Variants in USP15 observed in about 807,000 individuals in gnomAD.
The protein encoded by USP15 is ubiquitin specific peptidase 15.
USP15 carries 18 observed loss-of-function variants against 127.1 expected under a neutral mutation model. The ratio of observed to expected loss-of-function variants is 0.14; its 90% CI spans 0.10 to 0.21. The LOEUF (loss-of-function observed/expected upper bound fraction) is 0.21. Ranked by LOEUF, USP15 falls within the 10% of genes least tolerant of loss-of-function variation. The pLI is 1.00. For missense variants in USP15, 805 were observed against 1,159.9 expected (o/e 0.69, Z 4.44); for synonymous variants, 364 against 393.7 (o/e 0.92, Z 0.89).
intron 16 of USP15, 72 bp from the exon 17 acceptor site, chr12:62,391,744 T>C (rs1532435): frequency 0.3 from 398,623 of 1,307,850 alleles, 64,928 homozygotes; most frequent in East Asian, 0.43. Flanking sequence ...CTGGTGTATA[T>C]CCTAACATTA....
chr12:62,343,779 A>G (rs951254684), intron 6 of USP15, among the ~76,000 whole-genome samples: 3 of 152,094 alleles, frequency 2.0e-5, no homozygotes, highest in Non-Finnish European at 4.4e-5. Context: ...AAATGCAGAA[A>G]TCACCTACCT....
At chr12:62,304,695 G>A (rs761470394) in intron 3 of USP15, 17 of 453,652 alleles carry the variant, frequency 3.7e-5, no homozygotes, top group South Asian at 7.8e-5. Flanking sequence ...AAGAATGGAC[G>A]AAAAGAAAGC....
At chr12:62,315,081 T>G (rs1163200508) in intron 4 of USP15, 165 bp downstream of exon 4, 3 of 609,372 alleles carry the variant, frequency 4.9e-6, no homozygotes, top group Non-Finnish European at 7.1e-6. Flanking sequence ...TTATTGTTTC[T>G]TGTATGCTTT....
chr12:62,381,769 C>A, intron 9 of USP15, 106 bp downstream of exon 9: 1 of 1,116,314 alleles, frequency 9.0e-7, no homozygotes, highest in Non-Finnish European at 1.3e-6. Context: ...TGGTTTGTGG[C>A]CCTCCAAAGG....
intron 19 of USP15, among the ~76,000 whole-genome samples, chr12:62,395,041 C>T (rs979053776): frequency 6.6e-6 from 1 of 152,064 alleles, no homozygotes; most frequent in Non-Finnish European, 1.5e-5. Context: ...CAGTTACATT[C>T]AAAGGATGTT....
In USP15 at chr12:62,404,528, C is replaced by A; in HGVS notation, c.*153C>A. ...TTATCAGATTTTAACTTGTGCAGTA[C>A]TTGAAGTGAAACACAATGAAAACTT... is the stretch of plus-strand genomic sequence containing the variant. On this transcript the variant is annotated 3_prime_UTR_variant, in exon 22 of 22. Transcript: ENST00000280377. 9.0e-7 allele frequency: 1 copy of A among 1,106,690 alleles called. No individual in the cohort carries two copies. Among genetic ancestry groups the A allele is most frequent in the Non-Finnish European group, 1.2e-6 (1 of 838,596 alleles). 68.6% of individuals were successfully genotyped at this position (1,106,690 alleles called of 1,614,324 possible).
At position 62,404,550 on chromosome 12, in the gene USP15, A is replaced by C; in HGVS notation, c.*175A>C. Reference sequence around the variant, plus strand: ...GTACTTGAAGTGAAACACAATGAAAACTTTAACAGAAATTGTCTCTTAATA... The same window carrying C: ...GTACTTGAAGTGAAACACAATGAAACCTTTAACAGAAATTGTCTCTTAATA... On this transcript the variant is annotated 3_prime_UTR_variant, in exon 22 of 22. Transcript: ENST00000280377. 1 of 852,274 alleles carries C rather than the reference A, an allele frequency of 1.2e-6. No homozygotes were observed. Among genetic ancestry groups the C allele is most frequent in the East Asian group, 3.4e-5 (1 of 29,570 alleles). The allele number at this position is 852,274 out of a possible 1,614,324, so 52.8% of individuals were successfully genotyped here. A position where few individuals can be genotyped will look rare whatever the true frequency, so the allele number is the denominator to read the frequency against.
rs747942319 is a variant in USP15, at chr12:62,349,231, G to A, written c.694G>A (p.Ala232Thr). ...RGPSTPKSPG[A>T]SNFSTLPKIS... The stretch of plus-strand genomic sequence containing the variant: ...TTCATATTTTTAAAGGTCCCCAGGT[G>A]CATCCAATTTTTCAACTTTACCAAA... The change falls in exon 7 of 22, where the codon GCA becomes ACA. Residue 232 changes from alanine (A) to threonine (T), a missense_variant. Ala to Thr is a moderately conservative substitution (Grantham distance 58). This residue lies in a region of USP15 where 84 missense variants were observed against 107.7 expected (regional missense o/e 0.78). Transcript: ENST00000280377. 1.3e-6 allele frequency: 2 copies of A among 1,497,348 alleles called. No individual in the cohort carries two copies. Among genetic ancestry groups the A allele is most frequent in the Admixed American group, 2.1e-5 (1 of 47,626 alleles). The allele number at this position is 1,497,348 out of a possible 1,614,324, so 92.8% of individuals were successfully genotyped here. A position where few individuals can be genotyped will look rare whatever the true frequency, so the allele number is the denominator to read the frequency against.
In USP15 at chr12:62,410,998, GCAA is replaced by G. The variant is rs1260178884; in HGVS notation, c.*6626_*6628del. On this transcript the variant is annotated 3_prime_UTR_variant, in exon 22 of 22. Transcript: ENST00000280377. ...TGCATCCTCAACAGGCACCTTGGTT[GCAA>G]CACCATGAAAGACCTTGATCCAGAG... 6.6e-6 allele frequency: 1 copy of G among 152,048 alleles called. No individual in the cohort carries two copies. Among genetic ancestry groups the G allele is most frequent in the African/African-American group, 2.4e-5 (1 of 41,392 alleles). 9.4% of individuals were successfully genotyped at this position (152,048 alleles called of 1,614,324 possible).
chr12:62,270,428 G>A (rs1356882682), intron 1 of USP15, among the ~76,000 whole-genome samples: 2 of 151,952 alleles, frequency 1.3e-5, no homozygotes, highest in African/African-American at 2.4e-5. Flanking sequence ...GTCTAAGAAG[G>A]CTTGGCTTAA....
chr12:62,389,081 T>C (rs2067245311), intron 11 of USP15, among the ~76,000 whole-genome samples: 2 of 146,768 alleles, frequency 1.4e-5, no homozygotes, highest in Non-Finnish European at 3.0e-5. Flanking sequence ...GCCAAGATCA[T>C]GCCACTGCAC....
At chr12:62,365,252 G>A (rs2066439642) in intron 8 of USP15, among the ~76,000 whole-genome samples, 1 of 151,966 alleles carries the variant, frequency 6.6e-6, no homozygotes, top group African/African-American at 2.4e-5. Flanking sequence ...CATTCTAACT[G>A]GTATATGAGA....
At chr12:62,365,573 A>G (rs2066450427) in intron 8 of USP15, among the ~76,000 whole-genome samples, 1 of 151,924 alleles carries the variant, frequency 6.6e-6, no homozygotes, top group African/African-American at 2.4e-5. Flanking sequence ...CCCATTTGTC[A>G]ATTTTGACTT....
chr12:62,327,579 A>T, intron 6 of USP15: 1 of 402,750 alleles, frequency 2.5e-6, no homozygotes, highest in Non-Finnish European at 4.8e-6. Flanking sequence ...AGTTCTAAAG[A>T]TTGAGAAATC....
In USP15 at chr12:62,355,256, T is replaced by C. The variant is rs575758385; in HGVS notation, c.771-75T>C. The C allele has an allele frequency of 2.9e-4, 367 of 1,250,180 alleles. 4 individuals are homozygous for C. The South Asian group carries it at 5.8e-3, about 20-fold the overall frequency. The allele number at this position is 1,250,180 out of a possible 1,614,324, so 77.4% of individuals were successfully genotyped here. ...AATGATCAACCACATATCTCATAAA[T>C]AGGCCTAAAGTACTCTTTATTATAA... On this transcript the variant is annotated intron_variant, in intron 7 of 21. Coordinates refer to ENST00000280377, the MANE Select transcript of USP15 (RefSeq NM_001252078.2).
At chr12:62,343,826 T>A (rs975121184) in intron 6 of USP15, among the ~76,000 whole-genome samples, 7 of 152,198 alleles carry the variant, frequency 4.6e-5, no homozygotes, top group African/African-American at 1.4e-4. Flanking sequence ...AGACCAGAGC[T>A]GTTTCTATTT....
intron 6 of USP15, chr12:62,336,271 A>G (rs1385503707): frequency 2.0e-6 from 2 of 985,324 alleles, no homozygotes; most frequent in Admixed American, 6.1e-5. Flanking sequence ...CAGATTTTTC[A>G]TAAATTTCAT....
intron 6 of USP15, chr12:62,336,326 C>CT: frequency 1.0e-6 from 1 of 985,380 alleles, no homozygotes; most frequent in Non-Finnish European, 1.2e-6. Flanking sequence ...TTTACCCCTC[C>CT]TTCTCCCATC....
intron 8 of USP15, among the ~76,000 whole-genome samples, chr12:62,367,729 G>A (rs1184680541): frequency 2.0e-5 from 3 of 150,408 alleles, no homozygotes; most frequent in Middle Eastern, 6.5e-3. Flanking sequence ...CTAGCAGTCT[G>A]TCTATTTTGT....
Sources: gnomAD v4.1 joint callset for allele counts (sites outside exome capture counted in the v4.1 genomes callset) on GRCh38, gnomAD v4.1.1 for gene constraint, gnomAD v4.1.1 regional missense constraint, MANE v1.5 for transcripts, NCBI Gene and HGNC (gene_info 2026-07-23, HGNC 2026-07-21) for gene names.